Variants in GNG12 observed in about 807,000 individuals in gnomAD.
The protein encoded by GNG12 is G protein subunit gamma 12.
For missense variants in GNG12, 69 were observed against 83.8 expected, an observed-to-expected ratio of 0.82 and a Z score of 0.69; for synonymous variants, 28 against 29.7, an observed-to-expected ratio of 0.94 and a Z score of 0.19.
At chr1:67,815,890 G>A (rs369974051) in intron 1 of GNG12, among the ~76,000 whole-genome samples, 3 of 152,066 alleles carry the variant, frequency 2.0e-5, no homozygotes, top group Non-Finnish European at 2.9e-5. Flanking sequence ...AGTACACTCC[G>A]GCAGCAAGAA....
Position 67,800,823 on chromosome 1 carries a change from T to G in GNG12, c.-76-23316A>C, listed in dbSNP as rs577941516. ...ACGTCAAATAATATCTTAATATGATTTTAAACTTGACCTTGTGAACTCCTT... is the reference window on the plus strand; with the variant it reads ...ACGTCAAATAATATCTTAATATGATGTTAAACTTGACCTTGTGAACTCCTT... On this transcript the variant is annotated intron_variant, in intron 1 of 3. Transcript: ENST00000370982. Among the ~76,000 whole-genome samples the G allele has an allele frequency of 3.2e-4, 49 of 151,080 alleles. 1 individual carries two copies. The South Asian group carries it at 6.3e-3, about 19-fold the overall frequency.
chr1:67,766,052 C>T (rs1347961487), intron 2 of GNG12, among the ~76,000 whole-genome samples: 1 of 150,914 alleles, frequency 6.6e-6, no homozygotes, highest in Non-Finnish European at 1.5e-5. Context: ...GTATTCAACC[C>T]TAAGTTTACA....
intron 1 of GNG12, among the ~76,000 whole-genome samples, chr1:67,818,468 T>A (rs1018221271): frequency 4.0e-5 from 6 of 148,412 alleles, no homozygotes; most frequent in Non-Finnish European, 8.9e-5. Context: ...GGACCAATTC[T>A]TTCATAAAAA....
chr1:67,764,916 G>T (rs1557609610), intron 2 of GNG12, among the ~76,000 whole-genome samples: 1 of 152,112 alleles, frequency 6.6e-6, no homozygotes, highest in Non-Finnish European at 1.5e-5. Flanking sequence ...ACTAGACCTG[G>T]GAAAAATATA....
chr1:67,747,535 G>C (rs1646514513), intron 2 of GNG12, among the ~76,000 whole-genome samples: 1 of 152,202 alleles, frequency 6.6e-6, no homozygotes. Context: ...TCAGAAAGGT[G>C]TGCTATTACA....
At chr1:67,829,101 G>A (rs553239615) in intron 1 of GNG12, among the ~76,000 whole-genome samples, 2 of 152,086 alleles carry the variant, frequency 1.3e-5, no homozygotes, top group African/African-American at 2.4e-5. Flanking sequence ...GTGGAAAATA[G>A]GGGAAAAGCA....
intron 2 of GNG12, among the ~76,000 whole-genome samples, chr1:67,708,638 G>A (rs1646263911): frequency 6.6e-6 from 1 of 152,206 alleles, no homozygotes; most frequent in African/African-American, 2.4e-5. Flanking sequence ...ATTTCAAGAG[G>A]AAGGCAGGCT....
At chr1:67,747,312 G>A (rs1197413313) in intron 2 of GNG12, among the ~76,000 whole-genome samples, 1 of 152,088 alleles carries the variant, frequency 6.6e-6, no homozygotes, top group Non-Finnish European at 1.5e-5. Flanking sequence ...TGGAGATGGG[G>A]TTTCACCATA....
intron 2 of GNG12, among the ~76,000 whole-genome samples, chr1:67,733,823 A>AAAAAAACTT (rs886774405): frequency 1.3e-5 from 2 of 152,180 alleles, no homozygotes; most frequent in Non-Finnish European, 2.9e-5. Flanking sequence ...TTTCCAACAA[A>AAAAAAACTT]TAGCCCAGGC....
chr1:67,738,429 A>G (rs1396571543), intron 2 of GNG12, among the ~76,000 whole-genome samples: 1 of 152,204 alleles, frequency 6.6e-6, no homozygotes, highest in African/African-American at 2.4e-5. Flanking sequence ...AGACTCAGTC[A>G]CTGTCCTCAC....
At chr1:67,756,164 G>A (rs1040796684) in intron 2 of GNG12, among the ~76,000 whole-genome samples, 1 of 152,192 alleles carries the variant, frequency 6.6e-6, no homozygotes, top group Admixed American at 6.5e-5. Flanking sequence ...AGGTAAGGTA[G>A]AGGGTGCAAT....
At chr1:67,757,891 C>A (rs573988552) in intron 2 of GNG12, among the ~76,000 whole-genome samples, 26 of 152,326 alleles carry the variant, frequency 1.7e-4, no homozygotes, top group African/African-American at 6.0e-4. Context: ...GAAAACGCAG[C>A]AATGGACAGG....
intron 1 of GNG12, among the ~76,000 whole-genome samples, chr1:67,784,285 G>A (rs1391929192): frequency 3.5e-4 from 47 of 135,966 alleles, no homozygotes; most frequent in Non-Finnish European, 5.6e-4. Flanking sequence ...ATGGACACAG[G>A]AAGGGGAACA....
intron 2 of GNG12, among the ~76,000 whole-genome samples, chr1:67,732,820 G>T (rs1204328305): frequency 6.6e-6 from 1 of 152,192 alleles, no homozygotes; most frequent in African/African-American, 2.4e-5. Flanking sequence ...CCTTTGTAGG[G>T]GCAGCAAGTT....
At chr1:67,757,011 T>C (rs983691412) in intron 2 of GNG12, among the ~76,000 whole-genome samples, 3 of 152,214 alleles carry the variant, frequency 2.0e-5, no homozygotes, top group African/African-American at 4.8e-5. Context: ...AATGTGCCAT[T>C]TAAGTTGAGT....
chr1:67,803,042 T>C (rs1197424469), intron 1 of GNG12, among the ~76,000 whole-genome samples: 1 of 152,230 alleles, frequency 6.6e-6, no homozygotes, highest in Non-Finnish European at 1.5e-5. Context: ...GGTGGGGGTC[T>C]AACGTGGGCA....
chr1:67,702,038 G>C lies in GNG12; in HGVS notation c.*3413C>G. ...CACTTGTTTTACAAATGGAGAAATA[G>C]AGGCCCAGAGAGATGAAGCGCCTTG... On this transcript the variant is annotated 3_prime_UTR_variant, in exon 4 of 4. Transcript: ENST00000370982. 6.5e-6 allele frequency: 1 copy of C among 152,978 alleles called. No individual in the cohort carries two copies. 9.5% of individuals were successfully genotyped at this position (152,978 alleles called of 1,614,324 possible). A position where few individuals can be genotyped will look rare whatever the true frequency, so the allele number is the denominator to read the frequency against.
At chr1:67,749,612 A>T (rs1283606261) in intron 2 of GNG12, among the ~76,000 whole-genome samples, 15 of 152,194 alleles carry the variant, frequency 9.9e-5, no homozygotes, top group Admixed American at 9.8e-4. Flanking sequence ...CACGTCTCAG[A>T]GGCAGCCTGC....
intron 1 of GNG12, among the ~76,000 whole-genome samples, chr1:67,792,458 C>T (rs1188846498): frequency 6.6e-6 from 1 of 152,094 alleles, no homozygotes; most frequent in Non-Finnish European, 1.5e-5. Flanking sequence ...TATGCCTTAC[C>T]CCCTAGATTC....
Sources: allele counts gnomAD v4.1 joint callset (sites outside exome capture counted in the v4.1 genomes callset), GRCh38; gene constraint gnomAD v4.1.1; transcripts MANE v1.5; gene names NCBI Gene and HGNC (gene_info 2026-07-23, HGNC 2026-07-21).